The following TNNI3K variants were observed in gnomAD, a reference collection of about 807,000 sequenced individuals.
TNNI3K encodes TNNI3 interacting kinase.
A neutral mutation model predicts 114.5 loss-of-function variants in TNNI3K; 140 were observed. The ratio of observed to expected loss-of-function variants is 1.22; its 90% CI spans 1.07 to 1.41. TNNI3K has a LOEUF of 1.41. Among genes scored for constraint, TNNI3K ranks in the 40% most tolerant of loss-of-function variants. TNNI3K has a pLI of 0.00. For synonymous variants in TNNI3K, 347 were observed against 347.5 expected (o/e 1.00, Z 0.02); for missense variants, 1,125 against 1,007.6 (o/e 1.12, Z -1.58).
chr1:74,287,399 T>C (rs924340791), intron 5 of TNNI3K, among the ~76,000 whole-genome samples: 1 of 152,268 alleles, frequency 6.6e-6, no homozygotes, highest in Admixed American at 6.5e-5. Context: ...AGATATTCAC[T>C]GAGACACATC....
At chr1:74,348,401 C>G (rs1661139793) in intron 9 of TNNI3K, among the ~76,000 whole-genome samples, 1 of 152,146 alleles carries the variant, frequency 6.6e-6, no homozygotes, top group South Asian at 2.1e-4. Flanking sequence ...GTTACTGTAG[C>G]CTTGTAGTAT....
At chr1:74,322,652 G>T (rs953412321) in intron 5 of TNNI3K, among the ~76,000 whole-genome samples, 1 of 151,766 alleles carries the variant, frequency 6.6e-6, no homozygotes, top group African/African-American at 2.4e-5. Flanking sequence ...GTAGAGATGG[G>T]GTTTCACCAT....
At chr1:74,264,887 C>G (rs918974403) in intron 4 of TNNI3K, among the ~76,000 whole-genome samples, 1 of 151,956 alleles carries the variant, frequency 6.6e-6, no homozygotes, top group Non-Finnish European at 1.5e-5. Context: ...AGTTTATAAG[C>G]ATTTGCACAT....
At chr1:74,281,120 G>A (rs1656984974) in intron 5 of TNNI3K, among the ~76,000 whole-genome samples, 1 of 152,124 alleles carries the variant, frequency 6.6e-6, no homozygotes. Context: ...GGCCTGGAAG[G>A]ATTCACCACT....
intron 9 of TNNI3K, among the ~76,000 whole-genome samples, chr1:74,350,540 G>A (rs1296043533): frequency 6.6e-6 from 1 of 152,048 alleles, no homozygotes. Context: ...TTTCTGTCTC[G>A]TTGATCTGTC....
At chr1:74,387,244 G>A (rs1012438378) in intron 17 of TNNI3K, among the ~76,000 whole-genome samples, 12 of 152,112 alleles carry the variant, frequency 7.9e-5, no homozygotes, top group African/African-American at 2.7e-4. Context: ...CTTCTGGTAT[G>A]TAAAACCTAC....
At chr1:74,368,706 G>C (rs1436163722) in intron 13 of TNNI3K, among the ~76,000 whole-genome samples, 1 of 151,690 alleles carries the variant, frequency 6.6e-6, no homozygotes, top group Non-Finnish European at 1.5e-5. Context: ...AGTAGATCAG[G>C]AATAGACCCT....
chr1:74,318,010 C>G (rs1235476579), intron 5 of TNNI3K, among the ~76,000 whole-genome samples: 1 of 152,182 alleles, frequency 6.6e-6, no homozygotes, highest in Non-Finnish European at 1.5e-5. Context: ...TATGTCTTCT[C>G]AAGAAAGGTA....
At chr1:74,463,073 C>G (rs1282764417) in intron 20 of TNNI3K, among the ~76,000 whole-genome samples, 2 of 152,100 alleles carry the variant, frequency 1.3e-5, no homozygotes, top group African/African-American at 2.4e-5. Context: ...AGCTCTTTAG[C>G]CTGGGATTTA....
intron 23 of TNNI3K, among the ~76,000 whole-genome samples, chr1:74,521,908 C>T (rs1646437975): frequency 6.6e-6 from 1 of 152,132 alleles, no homozygotes; most frequent in Non-Finnish European, 1.5e-5. Flanking sequence ...TGAATCATAA[C>T]TACTCAAAAG....
intron 23 of TNNI3K, among the ~76,000 whole-genome samples, chr1:74,533,006 C>G (rs1646610401): frequency 6.6e-6 from 1 of 152,128 alleles, no homozygotes; most frequent in Non-Finnish European, 1.5e-5. Context: ...TAGGCATGGG[C>G]AAGGACTTCA....
At chr1:74,315,251 G>A (rs1374588851) in intron 5 of TNNI3K, among the ~76,000 whole-genome samples, 6 of 152,120 alleles carry the variant, frequency 3.9e-5, no homozygotes, top group Admixed American at 6.5e-5. Flanking sequence ...CAGAAACAGT[G>A]AAGATTCCAT....
intron 17 of TNNI3K, chr1:74,375,268 C>G (rs1468470050): frequency 1.9e-5 from 3 of 159,274 alleles, no homozygotes; most frequent in African/African-American, 7.2e-5. Context: ...AAAGATCTGA[C>G]TTGACTCCAC....
intron 19 of TNNI3K, among the ~76,000 whole-genome samples, chr1:74,437,109 CTAAT>C (rs1666169668): frequency 6.6e-6 from 1 of 152,126 alleles, no homozygotes; most frequent in African/African-American, 2.4e-5. Context: ...CTTGTGATAA[CTAAT>C]TACCTAAGGC....
At position 74,392,039 on chromosome 1, in the gene TNNI3K, C is replaced by T. The variant is rs183271773; in HGVS notation, c.1772+21647C>T. 4.3e-3 allele frequency among the ~76,000 whole-genome samples: 605 copies of T among 140,744 alleles called. 7 individuals carry two copies. The highest frequency in any genetic ancestry group is 0.016 in the African/African-American group (579 of 37,270). 92.3% of individuals were successfully genotyped at this position (140,744 alleles called of 152,430 possible). ...GGAGTGCAGTGGCAGGATCTTGGCTCACTGCAAGCTCCGCCTCCCGGGTTC... is the reference window on the plus strand; with the variant it reads ...GGAGTGCAGTGGCAGGATCTTGGCTTACTGCAAGCTCCGCCTCCCGGGTTC... On this transcript the variant is annotated intron_variant, in intron 17 of 24. Transcript: ENST00000326637.
chr1:74,430,569 A>T (rs1665846270), intron 17 of TNNI3K, among the ~76,000 whole-genome samples: 1 of 152,160 alleles, frequency 6.6e-6, no homozygotes, highest in Non-Finnish European at 1.5e-5. Context: ...CACATCGCTT[A>T]TTCAGATGAA....
chr1:74,448,473 G>A (rs1407240554), intron 20 of TNNI3K, among the ~76,000 whole-genome samples: 3 of 144,842 alleles, frequency 2.1e-5, no homozygotes, highest in Admixed American at 2.0e-4. Flanking sequence ...CTGCCTAATT[G>A]CCCTGGCCAG....
chr1:74,267,845 A>G (rs1054144282), intron 4 of TNNI3K, among the ~76,000 whole-genome samples: 1 of 151,954 alleles, frequency 6.6e-6, no homozygotes, highest in Admixed American at 6.6e-5. Flanking sequence ...ATATACTTTA[A>G]AAAAATTCCA....
intron 7 of TNNI3K, among the ~76,000 whole-genome samples, chr1:74,340,010 G>A (rs921513087): frequency 3.9e-5 from 6 of 152,050 alleles, no homozygotes; most frequent in Non-Finnish European, 7.4e-5. Context: ...GCCATAGGAA[G>A]TGTTTTATTT....
Sources: gnomAD v4.1 joint callset for allele counts (sites outside exome capture counted in the v4.1 genomes callset) on GRCh38, gnomAD v4.1.1 for gene constraint, MANE v1.5 for transcripts, NCBI Gene and HGNC (gene_info 2026-07-23, HGNC 2026-07-21) for gene names.